Variants in THNSL1 observed in about 807,000 individuals in gnomAD.
The protein encoded by THNSL1 is threonine synthase-like 1.
A neutral mutation model predicts 50.4 loss-of-function variants in THNSL1; 48 were observed. The ratio of observed to expected loss-of-function variants is 0.95; its 90% confidence interval spans 0.76 to 1.21. THNSL1 has a LOEUF of 1.21. THNSL1 is among the 50% of genes most tolerant of loss of function. The pLI is 0.00. For missense variants in THNSL1, 896 were observed against 871.7 expected, an observed-to-expected ratio of 1.03 and a Z score of -0.35; for synonymous variants, 309 against 306.1, an observed-to-expected ratio of 1.01 and a Z score of -0.10.
chr10:24,999,262 T>A, the THNSL1 span: 2 of 826,904 alleles, frequency 2.4e-6, no homozygotes, highest in Non-Finnish European at 3.6e-6. Context: ...CTACTTCCAC[T>A]TTCTCCTAGT....
the THNSL1 span, chr10:24,984,710 G>A: frequency 6.4e-7 from 1 of 1,566,606 alleles, no homozygotes; most frequent in East Asian, 2.3e-5. Flanking sequence ...CATTGAAATT[G>A]TTATACTTTA....
chr10:25,020,088 T>C (rs1850686761), intron 1 of THNSL1, among the ~76,000 whole-genome samples: 1 of 152,172 alleles, frequency 6.6e-6, no homozygotes, highest in African/African-American at 2.4e-5. Context: ...AAATTTAGTA[T>C]GTAGCTTAAA....
the THNSL1 span, chr10:24,984,847 A>G: frequency 5.0e-6 from 8 of 1,613,704 alleles, no homozygotes; most frequent in South Asian, 3.3e-5. Flanking sequence ...TATAGAATCT[A>G]TAAAGACCGA....
upstream of THNSL1, chr10:25,015,894 G>A (rs1564345298): frequency 1.2e-6 from 2 of 1,607,588 alleles, no homozygotes; most frequent in South Asian, 1.1e-5. Flanking sequence ...AAGTCACTGG[G>A]TATGAGGTTA....
the THNSL1 span, among the ~76,000 whole-genome samples, chr10:24,959,009 C>T: frequency 6.6e-6 from 1 of 152,150 alleles, no homozygotes; most frequent in South Asian, 2.1e-4. Context: ...TAAATAAATC[C>T]ACAGGGCTGG....
At chr10:25,007,973 T>C in the THNSL1 span, among the ~76,000 whole-genome samples, 1 of 148,510 alleles carries the variant, frequency 6.7e-6, no homozygotes, top group African/African-American at 2.4e-5. Context: ...CTGTGATATA[T>C]TATATATATG....
intron 2 of THNSL1, 107 bp from the exon 3 acceptor site, chr10:25,023,069 T>C: frequency 1.4e-6 from 1 of 716,664 alleles, no homozygotes; most frequent in Non-Finnish European, 2.2e-6. Context: ...ACAGTTTATG[T>C]ACCATGGGCA....
upstream of THNSL1, among the ~76,000 whole-genome samples, chr10:25,012,693 T>C (rs1389050048): frequency 1.3e-5 from 2 of 152,230 alleles, no homozygotes; most frequent in African/African-American, 4.8e-5. Flanking sequence ...CCATTGTATC[T>C]GGGAAGTACC....
rs1241976335 is a variant in THNSL1 at position 25,024,255 on chromosome 10, T to C, written c.1032T>C (p.His344=). The change falls in exon 3 of 3, where the codon CAT becomes CAC. Residue 344 remains histidine, a synonymous_variant. Transcript: ENST00000376356. ...SGNQFILELF[H]GPTGSFKDLS... ...ACCAGTTCATCCTGGAGTTGTTTCA[T>C]GGACCAACAGGATCATTTAAAGATT... The C allele has an allele frequency of 1.2e-6, 2 of 1,614,222 alleles. No individual in the cohort carries two copies. The highest frequency in any genetic ancestry group is 1.7e-6 in the Non-Finnish European group (2 of 1,180,028).
intron 1 of THNSL1, among the ~76,000 whole-genome samples, chr10:25,018,665 T>TTG (rs1554771954): frequency 6.6e-6 from 1 of 150,746 alleles, no homozygotes; most frequent in African/African-American, 2.4e-5. Flanking sequence ...AGTTGTTTTT[T>TTG]TTTTTTTTTT....
Position 25,024,033 on chromosome 10 carries a change from G to C in THNSL1, c.810G>C (p.Lys270Asn). The change falls in exon 3 of 3, where the codon AAG becomes AAC. Residue 270 changes from lysine to asparagine, a missense_variant. By Grantham distance (94) the Lys-to-Asn change is moderately conservative (BLOSUM62 0). Coordinates refer to ENST00000376356, the MANE Select transcript of THNSL1 (RefSeq NM_024838.5). Reference sequence around the variant, plus strand: ...ATGGTGGCCTCTTTGTTCCTGCAAAGGAGTTTCCAAAATTAAGCTGCGGGG... The same window carrying C: ...ATGGTGGCCTCTTTGTTCCTGCAAACGAGTTTCCAAAATTAAGCTGCGGGG... ...ASDGGLFVPA[K>N]EFPKLSCGEW... is the part of the protein sequence containing the mutation. 1.9e-6 allele frequency: 3 copies of C among 1,614,220 alleles called. No homozygotes were observed. The highest frequency in any genetic ancestry group is 2.5e-6 in the Non-Finnish European group (3 of 1,180,024).
At chr10:25,016,956 C>A (rs543658810) in intron 1 of THNSL1, among the ~76,000 whole-genome samples, 22 of 152,314 alleles carry the variant, frequency 1.4e-4, no homozygotes, top group African/African-American at 5.3e-4. Context: ...GCCGCGCAGC[C>A]CTGCCCGCCA....
chr10:25,017,392 C>T (rs1181557690), intron 1 of THNSL1, among the ~76,000 whole-genome samples: 4 of 152,102 alleles, frequency 2.6e-5, no homozygotes, highest in Non-Finnish European at 4.4e-5. Context: ...TGCCTCTGAA[C>T]CACCGGTACA....
At chr10:24,967,048 G>A in the THNSL1 span, among the ~76,000 whole-genome samples, 1 of 151,864 alleles carries the variant, frequency 6.6e-6, no homozygotes, top group Non-Finnish European at 1.5e-5. Flanking sequence ...TGCCAGTTAT[G>A]AACAAGGTCT....
At chr10:24,987,966 A>G in the THNSL1 span, among the ~76,000 whole-genome samples, 1 of 152,040 alleles carries the variant, frequency 6.6e-6, no homozygotes, top group Non-Finnish European at 1.5e-5. Context: ...CACGCCTGTA[A>G]TCCTAGCACT....
the THNSL1 span, among the ~76,000 whole-genome samples, chr10:24,966,310 G>T: frequency 6.6e-6 from 1 of 152,204 alleles, no homozygotes; most frequent in Non-Finnish European, 1.5e-5. Context: ...TAATAAAGTG[G>T]CTAATAAAGG....
At chr10:24,993,646 T>G in the THNSL1 span, among the ~76,000 whole-genome samples, 34 of 152,346 alleles carry the variant, frequency 2.2e-4, no homozygotes, top group Middle Eastern at 3.4e-3. Flanking sequence ...AACTTAACTC[T>G]GATAAGGGAA....
chr10:24,962,142 C>G, the THNSL1 span, among the ~76,000 whole-genome samples: 58 of 152,258 alleles, frequency 3.8e-4, no homozygotes, highest in African/African-American at 1.3e-3. Flanking sequence ...TCTGTAAAAG[C>G]TTCATCATGT....
chr10:25,022,820 AG>A (rs1267094260), intron 2 of THNSL1, among the ~76,000 whole-genome samples: 2 of 152,178 alleles, frequency 1.3e-5, no homozygotes, highest in Non-Finnish European at 1.5e-5. Flanking sequence ...TTTCATTAAA[AG>A]ATCTCAATAT....
Sources: gnomAD v4.1 joint callset for allele counts (sites outside exome capture counted in the v4.1 genomes callset) on GRCh38, gnomAD v4.1.1 for gene constraint, MANE v1.5 for transcripts, NCBI Gene and HGNC (gene_info 2026-07-23, HGNC 2026-07-21) for gene names.